SULF2: variants seen among roughly 807,000 people sequenced by gnomAD.
SULF2 encodes extracellular sulfatase Sulf-2.
A neutral mutation model predicts 107.7 loss-of-function variants in SULF2; 52 were observed. The observed-to-expected ratio is 0.48, with a 90% CI of 0.39 to 0.61. The LOEUF is 0.61. Among genes scored for constraint, SULF2 ranks in the 20% least tolerant of loss-of-function variants. The pLI is 0.00. For missense variants in SULF2, 993 were observed against 1,177.3 expected (o/e 0.84, Z 2.29); for synonymous variants, 460 against 464.3 (o/e 0.99, Z 0.12).
In SULF2 at chr20:47,661,798, G is replaced by C. The variant is rs773247119; in HGVS notation, c.2469C>G (p.Asn823Lys). 1.3e-6 allele frequency: 2 copies of C among 1,571,744 alleles called. No homozygotes were observed. The highest frequency in any genetic ancestry group is 8.7e-7 in the Non-Finnish European group (1 of 1,150,574). Residue 823 changes from asparagine (N) to lysine (K), a missense_variant, in exon 18 of 21, where the codon AAC (asparagine) becomes AAG (lysine). Coordinates refer to ENST00000688720, the MANE Select transcript of SULF2 (RefSeq NM_001387048.1). Reference sequence around the variant, plus strand: ...CCAGGTCCATGTTTCGAGTCCGGGGGTTACACTGCTTGTAACCCTTGCAGC... The same window carrying C: ...CCAGGTCCATGTTTCGAGTCCGGGGCTTACACTGCTTGTAACCCTTGCAGC... The part of the protein sequence containing the change: ...LRSCKGYKQC[N>K]PRTRNMDLGL...
chr20:47,758,845 GA>G (rs2090355529), intron 1 of SULF2, among the ~76,000 whole-genome samples: 1 of 152,176 alleles, frequency 6.6e-6, no homozygotes, highest in Non-Finnish European at 1.5e-5. Context: ...GTGTTGCTGT[GA>G]CCTTGAAAGG....
chr20:47,745,961 C>T (rs1453715865), intron 2 of SULF2, among the ~76,000 whole-genome samples: 3 of 152,192 alleles, frequency 2.0e-5, no homozygotes, highest in Non-Finnish European at 4.4e-5. Flanking sequence ...ATTGAATGGC[C>T]TTTTTCTTTA....
intron 3 of SULF2, among the ~76,000 whole-genome samples, chr20:47,734,742 A>T (rs1052869817): frequency 2.0e-5 from 3 of 152,160 alleles, no homozygotes; most frequent in Admixed American, 6.5e-5. Flanking sequence ...TAAAATTCTC[A>T]GTGGCAGTTT....
chr20:47,691,641 T>C (rs1390926454), intron 4 of SULF2, among the ~76,000 whole-genome samples: 3 of 152,070 alleles, frequency 2.0e-5, no homozygotes, highest in Non-Finnish European at 2.9e-5. Flanking sequence ...GCTCTAAAAA[T>C]AGAAGAGAGG....
At chr20:47,769,995 C>T (rs1208450294) in intron 1 of SULF2, among the ~76,000 whole-genome samples, 3 of 141,104 alleles carry the variant, frequency 2.1e-5, no homozygotes, top group Admixed American at 1.4e-4. Context: ...CATGGCGGCA[C>T]GGAGCTGAGT....
At chr20:47,756,129 G>A (rs2090276726) in intron 2 of SULF2, among the ~76,000 whole-genome samples, 2 of 152,170 alleles carry the variant, frequency 1.3e-5, no homozygotes, top group South Asian at 2.1e-4. Context: ...CAGCGTCGGG[G>A]CTACACAATG....
chr20:47,683,225 C>T, intron 6 of SULF2, 56 bp from the exon 7 acceptor site: 1 of 1,508,640 alleles, frequency 6.6e-7, no homozygotes, highest in South Asian at 1.3e-5. Flanking sequence ...TGGCCCGTCT[C>T]CGACCCGGGG....
intron 1 of SULF2, among the ~76,000 whole-genome samples, chr20:47,763,380 G>A (rs1161347825): frequency 1.3e-5 from 2 of 152,206 alleles, no homozygotes; most frequent in Non-Finnish European, 2.9e-5. Context: ...AACCACAGCG[G>A]TGAACAAACA....
At chr20:47,708,815 T>TC (rs949496309) in intron 3 of SULF2, among the ~76,000 whole-genome samples, 18 of 152,270 alleles carry the variant, frequency 1.2e-4, no homozygotes, top group African/African-American at 3.9e-4. Flanking sequence ...GTGGGGGTCC[T>TC]CCTCCTGCCC....
At chr20:47,738,437 C>G (rs984718450) in intron 2 of SULF2, among the ~76,000 whole-genome samples, 2 of 152,176 alleles carry the variant, frequency 1.3e-5, no homozygotes, top group African/African-American at 4.8e-5. Flanking sequence ...AAAGATAAGA[C>G]CATGTCCTAA....
intron 1 of SULF2, among the ~76,000 whole-genome samples, chr20:47,777,973 CAAAAAA>C (rs11322737): frequency 1.5e-5 from 2 of 132,612 alleles, no homozygotes; most frequent in African/African-American, 5.6e-5. Flanking sequence ...TCATCTCTAC[CAAAAAA>C]AAAAAAAAAA....
intron 1 of SULF2, among the ~76,000 whole-genome samples, chr20:47,773,528 T>C (rs2090669971): frequency 6.6e-6 from 1 of 152,226 alleles, no homozygotes; most frequent in Non-Finnish European, 1.5e-5. Context: ...GGACACCCCT[T>C]TGCCCCAGCC....
At chr20:47,663,296 CT>C in intron 16 of SULF2, 84 bp from the exon 17 acceptor site, 1 of 1,593,534 alleles carries the variant, frequency 6.3e-7, no homozygotes, top group South Asian at 1.1e-5. Flanking sequence ...GGGACAGCCC[CT>C]AAAACCAGTT....
At chr20:47,785,574 G>GC (rs2090917275), upstream of SULF2, 1 of 141,304 alleles carries the variant, frequency 7.1e-6, no homozygotes, top group South Asian at 1.9e-4. Context: ...CCCGCGCGCC[G>GC]CCCCAGCCAA....
intron 7 of SULF2, among the ~76,000 whole-genome samples, chr20:47,681,850 A>C (rs917494655): frequency 2.0e-5 from 3 of 152,034 alleles, no homozygotes; most frequent in Non-Finnish European, 2.9e-5. Context: ...ATGTCCAGCT[A>C]ATCTTTGTAT....
intron 1 of SULF2, among the ~76,000 whole-genome samples, chr20:47,770,100 G>A (rs547531782): frequency 4.9e-4 from 62 of 127,260 alleles, no homozygotes; most frequent in African/African-American, 1.6e-3. Context: ...CTGCTCTGTC[G>A]CCCAGGCTGG....
At chr20:47,705,472 T>C (rs1216592942) in intron 3 of SULF2, among the ~76,000 whole-genome samples, 1 of 152,012 alleles carries the variant, frequency 6.6e-6, no homozygotes, top group African/African-American at 2.4e-5. Flanking sequence ...ACTGATGGAG[T>C]GGAGGCAGCA....
At chr20:47,664,313 G>T (rs1274350298) in intron 14 of SULF2, 124 bp from the exon 15 acceptor site, 1 of 926,234 alleles carries the variant, frequency 1.1e-6, no homozygotes. Context: ...CCTCCTTCTG[G>T]GGTGGTGGTG....
At chr20:47,725,679 G>C (rs1159174951) in intron 3 of SULF2, among the ~76,000 whole-genome samples, 2 of 152,214 alleles carry the variant, frequency 1.3e-5, no homozygotes. Context: ...TTCTTAAAAA[G>C]TAGAGTGAAC....
Sources: gnomAD v4.1 joint callset for allele counts (sites outside exome capture counted in the v4.1 genomes callset) on GRCh38, gnomAD v4.1.1 for gene constraint, MANE v1.5 for transcripts, NCBI Gene and HGNC (gene_info 2026-07-23, HGNC 2026-07-21) for gene names.